Variants in ZFP91 observed in about 807,000 individuals in gnomAD.
The protein encoded by ZFP91 is ZFP91 zinc finger protein, atypical E3 ubiquitin ligase.
In ZFP91, 7 loss-of-function variants were observed where a neutral mutation model predicts 63.5. That is an observed-to-expected ratio of 0.11 (90% CI 0.06 to 0.21). ZFP91 has a LOEUF of 0.21. Among genes scored for constraint, ZFP91 ranks in the 10% least tolerant of loss-of-function variants. The pLI is 1.00. For missense variants in ZFP91, 628 were observed against 736.6 expected (o/e 0.85, Z 1.71); for synonymous variants, 330 against 272.1 (o/e 1.21, Z -2.10).
At chr11:58,584,594 A>C (rs922005779) in intron 1 of ZFP91, among the ~76,000 whole-genome samples, 1 of 152,150 alleles carries the variant, frequency 6.6e-6, no homozygotes, top group African/African-American at 2.4e-5. Context: ...TTATGTAGCC[A>C]CATGTGGCTA....
chr11:58,599,556 ATC>A (rs1442370703), intron 2 of ZFP91, among the ~76,000 whole-genome samples: 1 of 151,934 alleles, frequency 6.6e-6, no homozygotes, highest in Non-Finnish European at 1.5e-5. Flanking sequence ...GGAAATGGTA[ATC>A]TCATGTGATT....
At chr11:58,593,989 C>G (rs1051286297) in intron 2 of ZFP91, among the ~76,000 whole-genome samples, 10 of 152,132 alleles carry the variant, frequency 6.6e-5, no homozygotes, top group Admixed American at 3.9e-4. Flanking sequence ...TTATCTGTTG[C>G]CTGGCATATT....
At position 58,611,701 on chromosome 11, in the gene ZFP91, G is replaced by A; in HGVS notation, c.820G>A (p.Glu274Lys). 6.2e-7 allele frequency: 1 copy of A among 1,612,066 alleles called. No individual in the cohort carries two copies. Among genetic ancestry groups the A allele is most frequent in the Non-Finnish European group, 8.5e-7 (1 of 1,178,938 alleles). The change falls in exon 6 of 11, where the codon GAG becomes AAG. Residue 274 changes from glutamate to lysine, a missense_variant. By Grantham distance (56) the Glu-to-Lys change is moderately conservative. Around this residue, in one of 3 missense-constraint regions of ZFP91, gnomAD observed 437 missense variants for 380.3 expected, o/e 1.15. Transcript: ENST00000316059. Reference protein sequence around the residue: ...VEVEVEVKEEENEIREDEEPP... With the variant: ...VEVEVEVKEEKNEIREDEEPP... ...AGTAGAGGTGGAGGTGAAAGAAGAG[G>A]AGAATGAAATTAGAGAGGATGAGGA...
chr11:58,581,357 C>T (rs1855112671), intron 1 of ZFP91, among the ~76,000 whole-genome samples: 1 of 152,114 alleles, frequency 6.6e-6, no homozygotes, highest in Non-Finnish European at 1.5e-5. Context: ...ATGGTACCTG[C>T]TGTTTAATTT....
chr11:58,596,860 T>G (rs1314970788), intron 2 of ZFP91, among the ~76,000 whole-genome samples: 3 of 152,162 alleles, frequency 2.0e-5, no homozygotes, highest in Non-Finnish European at 4.4e-5. Flanking sequence ...CCTTCCTGAC[T>G]TTCATGATGT....
In ZFP91 at chr11:58,614,300, C is replaced by T; in HGVS notation, c.1059C>T (p.Phe353=). 1 of 1,612,244 alleles carries T rather than the reference C, an allele frequency of 6.2e-7. No homozygotes were observed. The highest frequency in any genetic ancestry group is 8.5e-7 in the Non-Finnish European group (1 of 1,179,018). ...CCCATCCCTCCTGTGGACGACTCTTCAGGCTTCAGAAGCAACTTCTGCGAC... is the reference window on the plus strand; with the variant it reads ...CCCATCCCTCCTGTGGACGACTCTTTAGGCTTCAGAAGCAACTTCTGCGAC... ...VCPHPSCGRL[F]RLQKQLLRHA... Residue 353 remains phenylalanine (F), a synonymous_variant, in exon 9 of 11, where the codon TTC becomes TTT. Coordinates refer to ENST00000316059, the MANE Select transcript of ZFP91 (RefSeq NM_053023.5).
In ZFP91 at chr11:58,618,745, A is replaced by G; in HGVS notation, c.*1039A>G. The G allele has an allele frequency of 2.2e-6, 1 of 454,832 alleles. No homozygotes were observed. Among genetic ancestry groups the G allele is most frequent in the Non-Finnish European group, 4.4e-6 (1 of 226,372 alleles). The allele number at this position is 454,832 out of a possible 1,614,324, so 28.2% of individuals were successfully genotyped here. ...ATAGCTCTCCAGTGGCTTTTAAAGAAAGCTGGTCCTCAGCACTAACAAAAT... is the reference window on the plus strand; with the variant it reads ...ATAGCTCTCCAGTGGCTTTTAAAGAGAGCTGGTCCTCAGCACTAACAAAAT... On this transcript the variant is annotated 3_prime_UTR_variant, in exon 11 of 11. Transcript: ENST00000316059.
Position 58,619,620 on chromosome 11 carries a change from TTGGGA to T in ZFP91, c.*1917_*1921del, listed in dbSNP as rs951795322. The T allele has an allele frequency of 3.7e-4, 57 of 152,766 alleles. No homozygotes were observed. Among genetic ancestry groups the T allele is most frequent in the African/African-American group, 1.3e-3 (54 of 41,582 alleles). 9.5% of individuals were successfully genotyped at this position (152,766 alleles called of 1,614,324 possible). A position where few individuals can be genotyped will look rare whatever the true frequency, so the allele number is the denominator to read the frequency against. ...ACTTTATACCAACTAGTGTCAGCAT[TTGGGA>T]TGCCAGGGAACAGAGAGTGAGACAC... On this transcript the variant is annotated 3_prime_UTR_variant, in exon 11 of 11. Transcript: ENST00000316059.
At chr11:58,591,162 A>G (rs1393070274) in intron 2 of ZFP91, among the ~76,000 whole-genome samples, 1 of 152,176 alleles carries the variant, frequency 6.6e-6, no homozygotes, top group African/African-American at 2.4e-5. Context: ...AAGTGTAACC[A>G]CTATTTTGAC....
intron 2 of ZFP91, among the ~76,000 whole-genome samples, chr11:58,601,579 A>G (rs1451434753): frequency 6.7e-6 from 1 of 150,264 alleles, no homozygotes; most frequent in Admixed American, 6.6e-5. Flanking sequence ...TCTTATGGGT[A>G]TGATGTTAGG....
intron 1 of ZFP91, 94 bp from the exon 2 acceptor site, chr11:58,584,762 C>G (rs1855176273): frequency 8.6e-7 from 1 of 1,162,500 alleles, no homozygotes; most frequent in Non-Finnish European, 1.2e-6. Context: ...TAGATGCTTT[C>G]TTTATCACTC....
At chr11:58,591,229 T>G (rs1855300249) in intron 2 of ZFP91, among the ~76,000 whole-genome samples, 1 of 152,196 alleles carries the variant, frequency 6.6e-6, no homozygotes, top group African/African-American at 2.4e-5. Flanking sequence ...GATAATACAG[T>G]AGGCACTCTT....
At chr11:58,601,476 C>G (rs1295691438) in intron 2 of ZFP91, among the ~76,000 whole-genome samples, 1 of 152,040 alleles carries the variant, frequency 6.6e-6, no homozygotes, top group African/African-American at 2.4e-5. Context: ...TCTTATTAAC[C>G]AAAAGTTTGT....
intron 9 of ZFP91, among the ~76,000 whole-genome samples, chr11:58,615,738 C>G (rs892720890): frequency 4.6e-5 from 7 of 152,170 alleles, no homozygotes; most frequent in Non-Finnish European, 5.9e-5. Context: ...ATCTCAGGCC[C>G]TGCTTCAGAC....
rs1241640028 is a variant in ZFP91, at chr11:58,617,517, A to G, written c.1524A>G (p.Leu508=). The G allele has an allele frequency of 1.9e-6, 3 of 1,614,084 alleles. No homozygotes were observed. Among genetic ancestry groups the G allele is most frequent in the South Asian group, 1.1e-5 (1 of 91,074 alleles). Residue 508 remains leucine, a synonymous_variant, in exon 11 of 11, where the codon CTA becomes CTG. Coordinates refer to ENST00000316059, the MANE Select transcript of ZFP91 (RefSeq NM_053023.5). The surrounding 1 kb of genome is among the most constrained non-coding windows in gnomAD (Gnocchi z 4.2). ...PLGNSTSGEC[L]LLEAEGMSKS... is the part of the protein sequence containing the mutation. The stretch of plus-strand genomic sequence containing the variant: ...GAAACTCAACCTCTGGAGAGTGCCT[A>G]CTGTTAGAAGCTGAAGGGATGTCAA...
chr11:58,580,231 A>T (rs1317346936), intron 1 of ZFP91, among the ~76,000 whole-genome samples: 1 of 152,110 alleles, frequency 6.6e-6, no homozygotes, highest in Non-Finnish European at 1.5e-5. Context: ...TTATATGAGC[A>T]TTCTTTAATG....
At position 58,617,370 on chromosome 11, in the gene ZFP91, A is replaced by G; in HGVS notation, c.1377A>G (p.Ala459=). The G allele has an allele frequency of 6.2e-7, 1 of 1,613,932 alleles. No individual in the cohort carries two copies. The highest frequency in any genetic ancestry group is 8.5e-7 in the Non-Finnish European group (1 of 1,179,930). Residue 459 remains alanine, a synonymous_variant, in exon 11 of 11, where the codon GCA becomes GCG. Coordinates refer to ENST00000316059, the MANE Select transcript of ZFP91 (RefSeq NM_053023.5). The surrounding 1 kb of genome is among the most constrained non-coding windows in gnomAD (Gnocchi z 4.2). ...KAKSHPEVLI[A]EALAANAGAL... ...AAAGCCACCCTGAGGTGCTGATTGC[A>G]GAAGCTCTGGCTGCCAATGCAGGCG...
At chr11:58,600,468 C>G (rs1389119828) in intron 2 of ZFP91, among the ~76,000 whole-genome samples, 4 of 151,748 alleles carry the variant, frequency 2.6e-5, no homozygotes, top group Non-Finnish European at 5.9e-5. Flanking sequence ...TTGTTCATTG[C>G]TAATATGCTT....
chr11:58,587,304 A>C (rs761761988), intron 2 of ZFP91, among the ~76,000 whole-genome samples: 11 of 152,162 alleles, frequency 7.2e-5, no homozygotes, highest in Non-Finnish European at 1.0e-4. Flanking sequence ...TATTCTAGGC[A>C]CTGGATTCTA....
Sources: gnomAD v4.1 joint callset for allele counts (sites outside exome capture counted in the v4.1 genomes callset) on GRCh38, gnomAD v4.1.1 for gene constraint, gnomAD v4.1.1 regional missense constraint, Gnocchi (gnomAD v3.1) non-coding constraint, MANE v1.5 for transcripts, NCBI Gene and HGNC (gene_info 2026-07-23, HGNC 2026-07-21) for gene names.